ATP11C: variants seen among roughly 807,000 people sequenced by gnomAD.
ATP11C encodes phospholipid-transporting ATPase IG.
In ATP11C, 36 loss-of-function variants were observed where a neutral mutation model predicts 97.4. The observed-to-expected ratio is 0.37, with a 90% CI of 0.28 to 0.49. The LOEUF is 0.49. Ranked by LOEUF, ATP11C falls within the 20% of genes least tolerant of loss-of-function variation. The pLI is 0.98. For missense variants in ATP11C, 730 were observed against 824.6 expected (o/e 0.89, Z 1.40); for synonymous variants, 275 against 290.9 (o/e 0.95, Z 0.56).
intron 1 of ATP11C, among the ~76,000 whole-genome samples, chrX:139,927,802 C>T (rs1196625883): frequency 1.8e-5 from 2 of 110,399 alleles, no homozygotes; most frequent in Non-Finnish European, 3.8e-5. Context: ...TGTATTTATT[C>T]TAATTCTTAG....
chrX:139,782,146 G>A (rs892409133), intron 18 of ATP11C, among the ~76,000 whole-genome samples: 1 of 109,560 alleles, frequency 9.1e-6, no homozygotes, highest in Admixed American at 9.8e-5. Context: ...CTAACACAGT[G>A]AAACCCCATC....
intron 1 of ATP11C, among the ~76,000 whole-genome samples, chrX:139,890,415 C>T (rs774509365): frequency 2.7e-4 from 30 of 110,965 alleles, no homozygotes; most frequent in African/African-American, 8.8e-4. Flanking sequence ...GCCTGTGGTT[C>T]CAGCTACTTG....
In ATP11C at chrX:139,860,119, A is replaced by G. The variant is rs1308740068; in HGVS notation, c.28-33296T>C. The stretch of plus-strand genomic sequence containing the variant: ...GACTCCGTCTCAAAAAAAAAAAAAA[A>G]AAAAAAAGAAAAGAAAGTGCTTAAC... On this transcript the variant is annotated intron_variant, in intron 1 of 29. Transcript: ENST00000682941. 9.9e-5 allele frequency among the ~76,000 whole-genome samples: 8 copies of G among 80,656 alleles called. No homozygotes were observed. The South Asian group carries it at 2.8e-3, about 28-fold the overall frequency. The allele number at this position is 80,656 out of a possible 115,157, so 70.0% of individuals were successfully genotyped here.
At chrX:139,785,753 C>T (rs1472166492) in intron 15 of ATP11C, among the ~76,000 whole-genome samples, 1 of 111,557 alleles carries the variant, frequency 9.0e-6, no homozygotes, top group African/African-American at 3.3e-5. Flanking sequence ...AATGAGATAA[C>T]TACCCTTCTA....
At chrX:139,869,814 A>AATAATAAT (rs1396862747) in intron 1 of ATP11C, among the ~76,000 whole-genome samples, 1 of 100,847 alleles carries the variant, frequency 9.9e-6, no homozygotes, top group African/African-American at 3.6e-5. Flanking sequence ...TAATAATAAT[A>AATAATAAT]ATAATATAAT....
At position 139,798,692 on chromosome X, in the gene ATP11C, G is replaced by A. The variant is rs149099186; in HGVS notation, c.762C>T (p.Thr254=). The part of the protein sequence containing the change: ...LLLKGATLKN[T]EKIYGVAVYT... ...AAAATTGTTCACCATATATCTTCTC[G>A]GTATTTTTTAGCGTAGCTCCTTTCA... is the stretch of plus-strand genomic sequence containing the variant. Residue 254 remains threonine, a synonymous_variant, in exon 9 of 30, where the codon ACC becomes ACT. Transcript: ENST00000682941. The A allele has an allele frequency of 3.9e-5, 47 of 1,197,650 alleles. No individual in the cohort carries two copies. The African/African-American group carries it at 5.0e-4, about 13-fold the overall frequency.
intron 1 of ATP11C, among the ~76,000 whole-genome samples, chrX:139,864,399 T>A (rs1409167543): frequency 8.9e-6 from 1 of 112,264 alleles, no homozygotes; most frequent in Non-Finnish European, 1.9e-5. Flanking sequence ...ATTATCAACA[T>A]TCAAGATGAA....
chrX:139,771,604 A>C (rs1302116318), intron 19 of ATP11C, among the ~76,000 whole-genome samples: 4 of 111,558 alleles, frequency 3.6e-5, no homozygotes, highest in African/African-American at 9.8e-5. Context: ...ATGAAAAGTA[A>C]GGTTCAGGCT....
intron 23 of ATP11C, among the ~76,000 whole-genome samples, chrX:139,755,336 G>A (rs1436620376): frequency 1.8e-5 from 2 of 111,971 alleles, no homozygotes; most frequent in Non-Finnish European, 3.8e-5. Flanking sequence ...AATCAGAGAT[G>A]ACACAAACAA....
intron 15 of ATP11C, among the ~76,000 whole-genome samples, chrX:139,786,494 G>C (rs762133933): frequency 1.8e-5 from 2 of 110,996 alleles, no homozygotes; most frequent in African/African-American, 3.3e-5. Flanking sequence ...TCTCCAAAAG[G>C]GTGCATTACC....
intron 2 of ATP11C, among the ~76,000 whole-genome samples, chrX:139,824,160 A>T (rs2147872640): frequency 9.1e-6 from 1 of 109,717 alleles, no homozygotes; most frequent in Admixed American, 9.7e-5. Context: ...ATTTTTTAAA[A>T]AAAACCTTTA....
intron 1 of ATP11C, among the ~76,000 whole-genome samples, chrX:139,930,117 G>A (rs1390492815): frequency 1.8e-5 from 2 of 111,292 alleles, no homozygotes; most frequent in Non-Finnish European, 3.8e-5. Context: ...TAAGGTCAAA[G>A]CTCATTTCAG....
At chrX:139,789,172 C>T (rs2082638582) in intron 13 of ATP11C, among the ~76,000 whole-genome samples, 155 bp downstream of exon 13, 1 of 108,623 alleles carries the variant, frequency 9.2e-6, no homozygotes, top group Admixed American at 9.8e-5. Flanking sequence ...CACCGTACTC[C>T]AGCCTGGGCA....
In ATP11C at chrX:139,736,633, A is replaced by G. The variant is rs939461122; in HGVS notation, c.3288+1283T>C. Among the ~76,000 whole-genome samples, 3 of 111,846 alleles carry G rather than the reference A, an allele frequency of 2.7e-5. No homozygotes were observed. In the Admixed American group the frequency reaches 2.8e-4, roughly 11 times the overall value. On this transcript the variant is annotated intron_variant, in intron 28 of 29. Coordinates refer to ENST00000682941, the MANE Select transcript of ATP11C (RefSeq NM_001353812.2). The stretch of plus-strand genomic sequence containing the variant: ...GTTCAACCGATATTAAGACATAATC[A>G]GGTATTTGAATGCAACTTTTCCATC...
intron 1 of ATP11C, among the ~76,000 whole-genome samples, chrX:139,838,837 A>G (rs992888451): frequency 1.8e-5 from 2 of 111,062 alleles, no homozygotes; most frequent in African/African-American, 6.6e-5. Context: ...AATCCCAGCT[A>G]CTTGGGAGGC....
chrX:139,841,144 T>G (rs937000185), intron 1 of ATP11C, among the ~76,000 whole-genome samples: 2 of 112,707 alleles, frequency 1.8e-5, no homozygotes, highest in Non-Finnish European at 3.7e-5. Context: ...TAACAGATAT[T>G]ATTTATTTAT....
chrX:139,762,588 C>A (rs1017175407), intron 21 of ATP11C, among the ~76,000 whole-genome samples: 4 of 111,240 alleles, frequency 3.6e-5, no homozygotes, highest in African/African-American at 1.3e-4. Context: ...CCATTTGACA[C>A]TTGGATAACC....
chrX:139,884,938 C>A (rs981902729), intron 1 of ATP11C, among the ~76,000 whole-genome samples: 3 of 111,542 alleles, frequency 2.7e-5, no homozygotes, highest in Non-Finnish European at 3.8e-5. Flanking sequence ...ATCTGTATTC[C>A]TCAAAACTCA....
chrX:139,756,968 TAAAAAAAAAAAA>T (rs756085784), intron 23 of ATP11C, among the ~76,000 whole-genome samples: 2,450 of 37,225 alleles, frequency 0.066, 61 homozygotes, highest in East Asian at 0.27. Context: ...AACCTAAAAG[TAAAAAAAAAAAA>T]AAAAAAAAAA....
Sources: gnomAD v4.1 joint callset for allele counts (sites outside exome capture counted in the v4.1 genomes callset) on GRCh38, gnomAD v4.1.1 for gene constraint, MANE v1.5 for transcripts, NCBI Gene and HGNC (gene_info 2026-07-23, HGNC 2026-07-21) for gene names.